Variants in KALRN observed in about 807,000 individuals in gnomAD.
KALRN encodes kalirin.
Under a neutral mutation model 353.7 loss-of-function variants are expected in KALRN, and 70 were observed. The observed-to-expected ratio is 0.20, with a 90% CI of 0.16 to 0.24. KALRN has a LOEUF of 0.24. Ranked by LOEUF, KALRN falls within the 10% of genes least tolerant of loss-of-function variation. The pLI is 1.00. For missense variants in KALRN, 2,791 were observed against 3,756.7 expected (o/e 0.74, Z 6.72); for synonymous variants, 1,391 against 1,434.8 (o/e 0.97, Z 0.69).
intron 33 of KALRN, among the ~76,000 whole-genome samples, chr3:124,530,735 C>T (rs976582698): frequency 2.2e-4 from 33 of 152,198 alleles, no homozygotes; most frequent in African/African-American, 7.2e-4. Context: ...TCCAGTAAGT[C>T]GGCTATAATT....
In KALRN at chr3:124,474,684, G is replaced by A. The variant is rs1426087901; in HGVS notation, c.4053G>A (p.Glu1351=). 5.0e-6 allele frequency: 8 copies of A among 1,613,958 alleles called. No homozygotes were observed. The highest frequency in any genetic ancestry group is 1.1e-5 in the South Asian group (1 of 91,080). ...GCAGCATCTTCCTCAAAGAGCTGGA[G>A]AAGTACGAGCAACTGCCTGAGGATG... is the stretch of plus-strand genomic sequence containing the variant. ...FHNNIFLKEL[E]KYEQLPEDVG... is the part of the protein sequence containing the mutation. Residue 1351 remains glutamate (E), a synonymous_variant, in exon 26 of 60, where the codon GAG becomes GAA. Transcript: ENST00000682506.
In KALRN at chr3:124,462,509, G is replaced by C; in HGVS notation, c.3922-15G>C. ...TGCCAGACTTGCCAGTGATGAAACTGTTACTGTCTTACAGACCTACCTGTG... is the reference window on the plus strand; with the variant it reads ...TGCCAGACTTGCCAGTGATGAAACTCTTACTGTCTTACAGACCTACCTGTG... On this transcript the variant is annotated splice_polypyrimidine_tract_variant and intron_variant, in intron 24 of 59. Coordinates refer to ENST00000682506, the MANE Select transcript of KALRN (RefSeq NM_001388419.1). The C allele has an allele frequency of 6.7e-7, 1 of 1,482,958 alleles. No individual in the cohort carries two copies. The highest frequency in any genetic ancestry group is 9.4e-7 in the Non-Finnish European group (1 of 1,062,284). The allele number at this position is 1,482,958 out of a possible 1,614,324, so 91.9% of individuals were successfully genotyped here.
chr3:124,562,804 GCCCT>G, intron 33 of KALRN, 35 bp from the exon 34 acceptor site: 1 of 1,297,864 alleles, frequency 7.7e-7, no homozygotes, highest in South Asian at 1.3e-5. Flanking sequence ...CTTCCTCCAT[GCCCT>G]CCTGTTCTAC....
chr3:124,373,346 G>A (rs1470017973), intron 10 of KALRN, among the ~76,000 whole-genome samples: 1 of 152,132 alleles, frequency 6.6e-6, no homozygotes, highest in Non-Finnish European at 1.5e-5. Context: ...TATTACATCT[G>A]GGGAAGAGGT....
At chr3:124,322,566 T>G (rs2079448123) in intron 6 of KALRN, among the ~76,000 whole-genome samples, 1 of 152,134 alleles carries the variant, frequency 6.6e-6, no homozygotes, top group East Asian at 1.9e-4. Flanking sequence ...AAAATATCCA[T>G]TCCTCTTGGC....
chr3:124,482,045 G>A (rs1359327078), intron 27 of KALRN, among the ~76,000 whole-genome samples: 1 of 152,192 alleles, frequency 6.6e-6, no homozygotes, highest in Non-Finnish European at 1.5e-5. Flanking sequence ...AGGATAGAGA[G>A]TAGATTAAAA....
Position 124,272,444 on chromosome 3 carries a change from G to GATTTTTTTCCCT in KALRN, c.969+3192_969+3203dup, listed in dbSNP as rs1376980132. On this transcript the variant is annotated intron_variant, in intron 5 of 59. Transcript: ENST00000682506. Reference sequence around the variant, plus strand: ...TAGAGGTTAGTGAAAATAAAGACGTGATTTTTTTCCCTATCCAAATATATG... The same window carrying GATTTTTTTCCCT: ...TAGAGGTTAGTGAAAATAAAGACGTGATTTTTTTCCCTATTTTTTTCCCTATCCAAATATATG... Among the ~76,000 whole-genome samples the GATTTTTTTCCCT allele has an allele frequency of 2.0e-5, 3 of 152,160 alleles. No homozygotes were observed. The South Asian group carries it at 6.2e-4, about 32-fold the overall frequency.
chr3:124,505,059 G>A (rs1446999600), intron 33 of KALRN: 2 of 463,332 alleles, frequency 4.3e-6, no homozygotes, highest in Non-Finnish European at 9.0e-6. Context: ...TAGAGAAGTG[G>A]TGGCTTTCAG....
intron 1 of KALRN, among the ~76,000 whole-genome samples, chr3:124,181,076 CAAA>C (rs60579271): frequency 2.7e-4 from 15 of 55,260 alleles, no homozygotes; most frequent in East Asian, 5.4e-4. Context: ...ACTAAAAATA[CAAA>C]AAAAAAAAAA....
chr3:124,563,303 C>T (rs1257041904), intron 34 of KALRN, among the ~76,000 whole-genome samples: 1 of 152,180 alleles, frequency 6.6e-6, no homozygotes, highest in Non-Finnish European at 1.5e-5. Context: ...AGTCATTTAG[C>T]CTTCCTGAGT....
chr3:124,475,066 TA>T (rs1227057283), intron 26 of KALRN, among the ~76,000 whole-genome samples: 1 of 152,170 alleles, frequency 6.6e-6, no homozygotes, highest in East Asian at 1.9e-4. Context: ...CCTAACCATT[TA>T]AAAAAAATTT....
At chr3:124,707,738 A>G (rs1276780707) in intron 57 of KALRN, among the ~76,000 whole-genome samples, 2 of 152,202 alleles carry the variant, frequency 1.3e-5, no homozygotes, top group Non-Finnish European at 2.9e-5. Flanking sequence ...ACTGCATGAC[A>G]ATGCAGGAAG....
chr3:124,271,520 A>G (rs918052732), intron 5 of KALRN, among the ~76,000 whole-genome samples: 1 of 152,230 alleles, frequency 6.6e-6, no homozygotes, highest in African/African-American at 2.4e-5. Context: ...TGTATAGTAC[A>G]TTGATAATTA....
intron 4 of KALRN, among the ~76,000 whole-genome samples, chr3:124,268,132 GACAA>G (rs2073775735): frequency 6.6e-6 from 1 of 152,190 alleles, no homozygotes; most frequent in Admixed American, 6.5e-5. Context: ...CCTTCCTGGA[GACAA>G]ACATTCTCCA....
chr3:124,389,476 T>C (rs889861278), intron 11 of KALRN, among the ~76,000 whole-genome samples: 1 of 152,218 alleles, frequency 6.6e-6, no homozygotes, highest in African/African-American at 2.4e-5. Context: ...CTTAATCCTA[T>C]TGGCCTCTTG....
rs2080925965 is a variant in KALRN at position 124,632,783 on chromosome 3, C to A, written c.5466+80C>A. 2.3e-6 allele frequency: 3 copies of A among 1,299,212 alleles called. No homozygotes were observed. The Admixed American group carries it at 5.8e-5, about 25-fold the overall frequency. 80.5% of individuals were successfully genotyped at this position (1,299,212 alleles called of 1,614,324 possible). On this transcript the variant is annotated intron_variant, in intron 35 of 59. Transcript: ENST00000682506. The stretch of plus-strand genomic sequence containing the variant: ...CTTCCTCAGGTTTTGTCAACTAGGC[C>A]ATCTCAAATCTCCATTAGTGTGTTA...
At chr3:124,093,227 G>A (rs980387328) in intron 1 of KALRN, among the ~76,000 whole-genome samples, 2 of 152,172 alleles carry the variant, frequency 1.3e-5, no homozygotes, top group African/African-American at 4.8e-5. Context: ...CATCTTGGAG[G>A]TATAAGTTCC....
intron 15 of KALRN, among the ~76,000 whole-genome samples, chr3:124,425,199 G>A (rs57211278): frequency 0.091 from 13,898 of 152,148 alleles, 794 homozygotes; most frequent in East Asian, 0.19. Context: ...ATATGTTCTA[G>A]TGTGGTATAA....
At chr3:124,702,147 A>T in intron 57 of KALRN, 31 bp downstream of exon 57, 1 of 1,376,732 alleles carries the variant, frequency 7.3e-7, no homozygotes, top group South Asian at 1.2e-5. Context: ...TCCTTCATTC[A>T]TGAACACCTA....
Sources: allele counts gnomAD v4.1 joint callset (sites outside exome capture counted in the v4.1 genomes callset), GRCh38; gene constraint gnomAD v4.1.1; transcripts MANE v1.5; gene names NCBI Gene and HGNC (gene_info 2026-07-23, HGNC 2026-07-21).